Variants in SRRM4 observed in about 807,000 individuals in gnomAD.
The protein encoded by SRRM4 is serine/arginine repetitive matrix protein 4.
Under a neutral mutation model 68.9 loss-of-function variants are expected in SRRM4, and 33 were observed. That is an observed-to-expected ratio of 0.48 (90% CI 0.36 to 0.64). The LOEUF is 0.64. Among genes scored for constraint, SRRM4 ranks in the 30% least tolerant of loss-of-function variants. SRRM4 has a pLI of 0.00. For synonymous variants in SRRM4, 318 were observed against 318.8 expected (o/e 1.00, Z 0.03); for missense variants, 817 against 827.1 (o/e 0.99, Z 0.15).
chr12:119,129,375 C>T (rs1954279827), intron 7 of SRRM4, among the ~76,000 whole-genome samples: 1 of 152,204 alleles, frequency 6.6e-6, no homozygotes, highest in South Asian at 2.1e-4. Context: ...GCAGACCAAG[C>T]AGCCAGATCT....
Position 118,981,772 on chromosome 12 carries a change from T to G in SRRM4, c.-111T>G. ...ACTCCGATCTCTCCCACCCCACCCC[T>G]CTCTGGGTTTCACCCGGACAGAGCC... On this transcript the variant is annotated 5_prime_UTR_variant, in exon 1 of 13. Transcript: ENST00000267260. The G allele has an allele frequency of 2.2e-6, 2 of 915,988 alleles. No homozygotes were observed. The highest frequency in any genetic ancestry group is 3.0e-6 in the Non-Finnish European group (2 of 659,000). 56.7% of individuals were successfully genotyped at this position (915,988 alleles called of 1,614,324 possible).
intron 1 of SRRM4, among the ~76,000 whole-genome samples, chr12:118,989,089 G>A (rs766554234): frequency 6.6e-6 from 1 of 152,064 alleles, no homozygotes; most frequent in African/African-American, 2.4e-5. Flanking sequence ...ATCAAGTGGG[G>A]CCTTGTAAGC....
chr12:119,150,764 C>T (rs1954433686), intron 9 of SRRM4, among the ~76,000 whole-genome samples: 1 of 152,210 alleles, frequency 6.6e-6, no homozygotes, highest in Non-Finnish European at 1.5e-5. Flanking sequence ...AAATACTCCA[C>T]TGTGGCCCCA....
chr12:119,054,799 G>C (rs1197845175), intron 1 of SRRM4, among the ~76,000 whole-genome samples: 1 of 152,124 alleles, frequency 6.6e-6, no homozygotes. Flanking sequence ...CTGTCCCTTG[G>C]GGTGGCAAGA....
intron 1 of SRRM4, among the ~76,000 whole-genome samples, chr12:119,020,803 A>G (rs1471330456): frequency 3.3e-5 from 5 of 152,202 alleles, no homozygotes; most frequent in Non-Finnish European, 4.4e-5. Flanking sequence ...GAGCTGGGGA[A>G]ATAAAGAGGA....
intron 4 of SRRM4, among the ~76,000 whole-genome samples, chr12:119,119,759 G>A (rs913775415): frequency 1.3e-4 from 20 of 151,982 alleles, no homozygotes; most frequent in African/African-American, 4.6e-4. Context: ...GTGATGATGA[G>A]GATGAGGAGG....
chr12:119,065,279 C>T (rs769628559), intron 1 of SRRM4, among the ~76,000 whole-genome samples: 11 of 152,210 alleles, frequency 7.2e-5, no homozygotes, highest in Non-Finnish European at 1.3e-4. Flanking sequence ...GAGTTGACCC[C>T]TGCCCTCCAT....
rs190264696 is a variant in SRRM4 at position 119,162,474 on chromosome 12, C to T, written c.*5676C>T. On this transcript the variant is annotated 3_prime_UTR_variant, in exon 13 of 13. Transcript: ENST00000267260. ...TATTTTTGTACAATCATTCAAATAA[C>T]CCAGTGACATAGGTCATATTGCCAC... 6.6e-6 allele frequency: 1 copy of T among 152,194 alleles called. No individual in the cohort carries two copies. The highest frequency in any genetic ancestry group is 2.1e-4 in the South Asian group (1 of 4,832). 9.4% of individuals were successfully genotyped at this position (152,194 alleles called of 1,614,324 possible).
chr12:119,085,926 T>G (rs939277472), intron 1 of SRRM4, among the ~76,000 whole-genome samples: 1 of 152,068 alleles, frequency 6.6e-6, no homozygotes, highest in African/African-American at 2.4e-5. Context: ...TAGAGGACAC[T>G]TTGTAAGGCA....
intron 1 of SRRM4, among the ~76,000 whole-genome samples, chr12:119,069,916 C>T (rs1296343867): frequency 1.3e-5 from 2 of 152,086 alleles, no homozygotes; most frequent in Non-Finnish European, 1.5e-5. Context: ...AAATTAAATA[C>T]CTACCAGGGT....
intron 1 of SRRM4, among the ~76,000 whole-genome samples, chr12:119,043,412 G>A (rs923152571): frequency 2.6e-5 from 4 of 152,254 alleles, no homozygotes; most frequent in African/African-American, 9.6e-5. Context: ...GGGGGAGGGA[G>A]AGCATCAGGA....
At chr12:119,097,336 C>T (rs1954052186) in intron 1 of SRRM4, among the ~76,000 whole-genome samples, 1 of 152,220 alleles carries the variant, frequency 6.6e-6, no homozygotes, top group South Asian at 2.1e-4. Context: ...ACTTGTACCT[C>T]TGCTTCTTTA....
intron 10 of SRRM4, among the ~76,000 whole-genome samples, chr12:119,152,263 CA>C (rs1954444852): frequency 6.6e-6 from 1 of 151,894 alleles, no homozygotes; most frequent in South Asian, 2.1e-4. Flanking sequence ...TGGTCCATTC[CA>C]AAAAATGAGA....
At chr12:118,991,227 G>T (rs1953314841) in intron 1 of SRRM4, among the ~76,000 whole-genome samples, 1 of 152,122 alleles carries the variant, frequency 6.6e-6, no homozygotes, top group South Asian at 2.1e-4. Flanking sequence ...CCTCTGTTTA[G>T]TTGCATCTTA....
chr12:119,051,798 C>T (rs1341368192), intron 1 of SRRM4, among the ~76,000 whole-genome samples: 1 of 152,200 alleles, frequency 6.6e-6, no homozygotes, highest in Non-Finnish European at 1.5e-5. Flanking sequence ...CAACGATTAA[C>T]GTATGGTAGA....
chr12:119,067,727 A>T (rs988377421), intron 1 of SRRM4, among the ~76,000 whole-genome samples: 1 of 151,864 alleles, frequency 6.6e-6, no homozygotes, highest in Non-Finnish European at 1.5e-5. Flanking sequence ...TAAATAAATA[A>T]AAATAAAAAT....
intron 8 of SRRM4, among the ~76,000 whole-genome samples, chr12:119,141,386 C>A (rs1954364399): frequency 6.6e-6 from 1 of 152,146 alleles, no homozygotes; most frequent in Non-Finnish European, 1.5e-5. Context: ...AAAATATGTA[C>A]ATCTATTATA....
At chr12:119,035,783 C>T (rs763287376) in intron 1 of SRRM4, among the ~76,000 whole-genome samples, 3 of 152,072 alleles carry the variant, frequency 2.0e-5, no homozygotes, top group Non-Finnish European at 4.4e-5. Context: ...CATTTCTAAA[C>T]CTTTCTGCTT....
chr12:119,148,173 C>T (rs554140289), intron 9 of SRRM4, among the ~76,000 whole-genome samples: 4 of 152,292 alleles, frequency 2.6e-5, no homozygotes, highest in South Asian at 2.1e-4. Flanking sequence ...AGATGACTAA[C>T]GCCTTAGCAC....
Sources: allele counts gnomAD v4.1 joint callset (sites outside exome capture counted in the v4.1 genomes callset), GRCh38; gene constraint gnomAD v4.1.1; transcripts MANE v1.5; gene names NCBI Gene and HGNC (gene_info 2026-07-23, HGNC 2026-07-21).